Variants in CFAP99 observed in about 807,000 individuals in gnomAD.
The protein encoded by CFAP99 is cilia and flagella associated protein 99, also known as cilia- and flagella-associated protein 99.
In CFAP99, 84 loss-of-function variants were observed where a neutral mutation model predicts 82.7. The observed-to-expected ratio is 1.02, with a 90% CI of 0.85 to 1.22. The LOEUF is 1.22. Ranked by LOEUF, CFAP99 falls within the 50% of genes most tolerant of loss-of-function variation. The pLI is 0.00. For synonymous variants in CFAP99, 456 were observed against 429.5 expected (o/e 1.06, Z -0.76); for missense variants, 1,059 against 983.5 (o/e 1.08, Z -1.03).
intron 1 of CFAP99, among the ~76,000 whole-genome samples, chr4:2,425,629 C>T (rs985834031): frequency 5.9e-5 from 9 of 152,192 alleles, no homozygotes; most frequent in South Asian, 2.1e-4. Flanking sequence ...CTCTGCCCAG[C>T]GCTGCCCTAC....
rs553178349 is a variant in CFAP99, at chr4:2,458,974, C to T, written c.1303+110C>T. 203 of 1,450,270 alleles carry T rather than the reference C, an allele frequency of 1.4e-4. No homozygotes were observed. The African/African-American group carries it at 2.6e-3, about 18-fold the overall frequency. The allele number at this position is 1,450,270 out of a possible 1,614,324, so 89.8% of individuals were successfully genotyped here. A position where few individuals can be genotyped will look rare whatever the true frequency, so the allele number is the denominator to read the frequency against. On this transcript the variant is annotated intron_variant, in intron 12 of 14. Coordinates refer to ENST00000635017, the Ensembl canonical transcript of CFAP99. ...TATGGCTGTCCAGGGTCAGGGACCC[C>T]TTGAGGGAGGCACTCCCAGGTGGCC...
chr4:2,452,730 A>T (rs1734334478), intron 11 of CFAP99, among the ~76,000 whole-genome samples: 1 of 152,118 alleles, frequency 6.6e-6, no homozygotes, highest in African/African-American at 2.4e-5. Flanking sequence ...ATTCAATTTT[A>T]AGGTTTGCCT....
intron 11 of CFAP99, among the ~76,000 whole-genome samples, chr4:2,455,467 A>G (rs1465681899): frequency 6.6e-6 from 1 of 152,150 alleles, no homozygotes; most frequent in Non-Finnish European, 1.5e-5. Flanking sequence ...GAGGTCAGGC[A>G]TTCAAGACCA....
chr4:2,441,870 G>T (rs1051825305), intron 4 of CFAP99, among the ~76,000 whole-genome samples: 1 of 152,224 alleles, frequency 6.6e-6, no homozygotes, highest in South Asian at 2.1e-4. Flanking sequence ...TACCACCATG[G>T]TCAGGAGTGG....
chr4:2,432,258 G>A (rs1356486159), intron 2 of CFAP99, among the ~76,000 whole-genome samples: 1 of 152,198 alleles, frequency 6.6e-6, no homozygotes, highest in Non-Finnish European at 1.5e-5. Context: ...TAAGGCATGT[G>A]CCAGCTGAAT....
intron 1 of CFAP99, among the ~76,000 whole-genome samples, chr4:2,422,086 G>C (rs927052421): frequency 1.3e-5 from 2 of 152,192 alleles, no homozygotes; most frequent in African/African-American, 4.8e-5. Context: ...ATGCATGAAT[G>C]TAGCTGAGAT....
In CFAP99 at chr4:2,443,816, G is replaced by A. The variant is rs934870378; in HGVS notation, c.464+574G>A. Among the ~76,000 whole-genome samples, 7 of 152,280 alleles carry A rather than the reference G, an allele frequency of 4.6e-5. No individual in the cohort carries two copies. In the South Asian group the frequency reaches 6.2e-4, roughly 14 times the overall value. On this transcript the variant is annotated intron_variant, in intron 5 of 14. Coordinates refer to ENST00000635017, the Ensembl canonical transcript of CFAP99. The stretch of plus-strand genomic sequence containing the variant: ...CCCCAGCAGGCCTGGGGCAAACTCC[G>A]GGGCAGGCCAGAACCCCCAGGCAGA...
exon 6 of CFAP99, chr4:2,445,174 G>T: frequency 7.1e-7 from 1 of 1,415,192 alleles, no homozygotes; most frequent in Non-Finnish European, 9.2e-7. Flanking sequence ...CCTGGAGGGC[G>T]TGTCTGCCAG....
chr4:2,449,801 G>C, intron 7 of CFAP99, 51 bp downstream of exon 7: 2 of 1,532,780 alleles, frequency 1.3e-6, no homozygotes, highest in Non-Finnish European at 1.7e-6. Flanking sequence ...TGAGGGATGT[G>C]TGAAGGGAAG....
intron 4 of CFAP99, among the ~76,000 whole-genome samples, chr4:2,438,950 G>A (rs1400986030): frequency 1.3e-5 from 2 of 152,194 alleles, no homozygotes; most frequent in African/African-American, 2.4e-5. Flanking sequence ...GGGTCCAAGG[G>A]AATTGGTTCA....
exon 14 of CFAP99, chr4:2,460,159 G>A (rs1166460780): frequency 5.2e-6 from 8 of 1,536,164 alleles, no homozygotes; most frequent in Non-Finnish European, 7.0e-6. Flanking sequence ...TTCAGGGCAA[G>A]CACACCAAGA....
exon 5 of CFAP99, chr4:2,443,155 T>C (rs1734088974): frequency 1.3e-6 from 2 of 1,534,030 alleles, no homozygotes; most frequent in Non-Finnish European, 1.7e-6. Flanking sequence ...TTCAACCCCC[T>C]GCACCTGTGC....
chr4:2,429,737 G>C (rs1023809828), intron 2 of CFAP99, among the ~76,000 whole-genome samples: 12 of 151,962 alleles, frequency 7.9e-5, no homozygotes, highest in Non-Finnish European at 1.5e-4. Flanking sequence ...GACTACAGGC[G>C]CCCGCCACCA....
chr4:2,452,874 G>C (rs953233198), intron 11 of CFAP99, among the ~76,000 whole-genome samples: 24 of 152,146 alleles, frequency 1.6e-4, no homozygotes, highest in African/African-American at 5.5e-4. Context: ...ATCAGCCTGA[G>C]CAACATAGCA....
At chr4:2,426,470 A>G in exon 2 of CFAP99, 1 of 1,533,920 alleles carries the variant, frequency 6.5e-7, no homozygotes, top group Non-Finnish European at 8.7e-7. Flanking sequence ...CTTCTGCCCT[A>G]AGAAGATGGC....
intron 11 of CFAP99, 110 bp from the exon 12 acceptor site, chr4:2,458,613 C>T: frequency 1.5e-6 from 2 of 1,356,992 alleles, no homozygotes; most frequent in Non-Finnish European, 1.9e-6. Flanking sequence ...GATTCAAGGG[C>T]AGGGACTGGG....
rs1193414316 is a variant in CFAP99, at chr4:2,459,273, CTG to C, written c.1455+16_1455+17del. ...ACCTGACCCAGGTGAGGATGCAGTC[CTG>C]GACGGGCCCATGCCTCAGGGGCCTC... is the stretch of plus-strand genomic sequence containing the variant. On this transcript the variant is annotated intron_variant, in intron 13 of 14. Transcript: ENST00000635017. 1 of 1,519,512 alleles carries C rather than the reference CTG, an allele frequency of 6.6e-7. No individual in the cohort carries two copies. Among genetic ancestry groups the C allele is most frequent in the Non-Finnish European group, 8.8e-7 (1 of 1,137,430 alleles). 94.1% of individuals were successfully genotyped at this position (1,519,512 alleles called of 1,614,324 possible).
At chr4:2,421,561 C>T (rs1467605078) in intron 1 of CFAP99, among the ~76,000 whole-genome samples, 3 of 152,038 alleles carry the variant, frequency 2.0e-5, no homozygotes, top group African/African-American at 7.3e-5. Context: ...ACCATGTTGA[C>T]TGGTCTGGAA....
At chr4:2,450,186 T>G (rs1578478533) in intron 8 of CFAP99, 181 bp downstream of exon 8, 2 of 656,298 alleles carry the variant, frequency 3.0e-6, no homozygotes, top group East Asian at 2.8e-5. Flanking sequence ...ATGTGGCCCC[T>G]AAGCAGGCGG....
Sources: allele counts gnomAD v4.1 joint callset (sites outside exome capture counted in the v4.1 genomes callset), GRCh38; gene constraint gnomAD v4.1.1; transcripts MANE v1.5; gene names NCBI Gene and HGNC (gene_info 2026-07-23, HGNC 2026-07-21).